IL31RA: variants seen among roughly 807,000 people sequenced by gnomAD.
The protein encoded by IL31RA is interleukin 31 receptor A, also known as interleukin-31 receptor subunit alpha.
In IL31RA, 66 loss-of-function variants were observed where a neutral mutation model predicts 83.7. That is an observed-to-expected ratio of 0.79 (90% CI 0.65 to 0.97). The LOEUF is 0.97. Among genes scored for constraint, IL31RA ranks in the 50% least tolerant of loss-of-function variants. The pLI, the probability that IL31RA is intolerant of heterozygous loss-of-function variation, is 0.00. For missense variants in IL31RA, 798 were observed against 919.4 expected (o/e 0.87, Z 1.71); for synonymous variants, 325 against 329.0 (o/e 0.99, Z 0.13).
At chr5:55,856,614 T>C (rs1378402402) in intron 1 of IL31RA, among the ~76,000 whole-genome samples, 1 of 152,236 alleles carries the variant, frequency 6.6e-6, no homozygotes, top group Non-Finnish European at 1.5e-5. Context: ...GTTCAGGGCC[T>C]TCTTCCGTTA....
chr5:55,858,339 T>C (rs1390374306), intron 1 of IL31RA, among the ~76,000 whole-genome samples: 1 of 152,160 alleles, frequency 6.6e-6, no homozygotes, highest in African/African-American at 2.4e-5. Context: ...TCTTAACAGA[T>C]GGAGAAGATT....
chr5:55,906,220 T>A lies in IL31RA; in HGVS notation c.1184T>A (p.Val395Glu), dbSNP rs1218559137. The change falls in exon 9 of 15, where the codon GTG becomes GAG. Residue 395 changes from valine to glutamate, a missense_variant. Transcript: ENST00000652347. ...TGGATGATTGAATGGTTTCCGGATG[T>A]GGACTCAGAGCCCACCACCCTTTCC... Reference protein sequence around the residue: ...NTWMIEWFPDVDSEPTTLSWE... With the variant: ...NTWMIEWFPDEDSEPTTLSWE... 6.2e-7 allele frequency: 1 copy of A among 1,614,216 alleles called. No individual in the cohort carries two copies. The highest frequency in any genetic ancestry group is 8.5e-7 in the Non-Finnish European group (1 of 1,180,042).
intron 2 of IL31RA, among the ~76,000 whole-genome samples, chr5:55,868,292 A>G (rs2112361827): frequency 6.6e-6 from 1 of 152,318 alleles, no homozygotes; most frequent in Non-Finnish European, 1.5e-5. Flanking sequence ...AGCTCTCAGG[A>G]GCAAGATTTC....
intron 9 of IL31RA, among the ~76,000 whole-genome samples, chr5:55,906,973 G>A (rs1279216077): frequency 2.6e-5 from 4 of 152,158 alleles, no homozygotes; most frequent in African/African-American, 7.2e-5. Context: ...AGGCAGGGAT[G>A]CAGGCAAGTA....
intron 6 of IL31RA, among the ~76,000 whole-genome samples, chr5:55,891,761 A>ATT (rs35672011): frequency 0.058 from 3,478 of 59,744 alleles, 977 homozygotes; most frequent in East Asian, 0.12. Context: ...TTTGGACAAG[A>ATT]TTTTTTTTTT....
upstream of IL31RA, among the ~76,000 whole-genome samples, chr5:55,848,438 C>A (rs979664309): frequency 5.9e-5 from 9 of 152,142 alleles, no homozygotes; most frequent in African/African-American, 1.7e-4. Context: ...TCCTGTGTCC[C>A]TTTGACATGC....
In IL31RA at chr5:55,917,144, C is replaced by CG; in HGVS notation, c.*28dup. On this transcript the variant is annotated 3_prime_UTR_variant, in exon 15 of 15. Coordinates refer to ENST00000652347, the MANE Select transcript of IL31RA (RefSeq NM_139017.7). ...AAATGCGACCATAGCATGAGACCCTCGGGGCCTCAGTGTGGATGGCCCTTG... is the reference window on the plus strand; with the variant it reads ...AAATGCGACCATAGCATGAGACCCTCGGGGGCCTCAGTGTGGATGGCCCTTG... 1 of 1,613,768 alleles carries CG rather than the reference C, an allele frequency of 6.2e-7. No individual in the cohort carries two copies. Among genetic ancestry groups the CG allele is most frequent in the Non-Finnish European group, 8.5e-7 (1 of 1,180,018 alleles).
At position 55,908,454 on chromosome 5, in the gene IL31RA, A is replaced by G. The variant is rs1451879555; in HGVS notation, c.1501+43A>G. 6 of 1,614,112 alleles carry G rather than the reference A, an allele frequency of 3.7e-6. No homozygotes were observed. In the Admixed American group the frequency reaches 6.7e-5, roughly 18 times the overall value. ...GAAGTGGAAAAAAACCCCAAGCCCC[A>G]GATAGATGCTATGGATAGACCTGTT... On this transcript the variant is annotated intron_variant, in intron 11 of 14. Transcript: ENST00000652347.
intron 6 of IL31RA, among the ~76,000 whole-genome samples, chr5:55,892,053 G>T (rs1047153370): frequency 6.6e-6 from 1 of 152,058 alleles, no homozygotes; most frequent in Non-Finnish European, 1.5e-5. Flanking sequence ...GGGATTACAG[G>T]CATGAGCCAC....
At chr5:55,905,168 TC>T (rs1159330127) in intron 8 of IL31RA, among the ~76,000 whole-genome samples, 1 of 144,036 alleles carries the variant, frequency 6.9e-6, no homozygotes, top group Non-Finnish European at 1.5e-5. Flanking sequence ...GCCACTGCAC[TC>T]CAGCCTGGGT....
chr5:55,882,875 TGTTGGG>T, intron 4 of IL31RA, among the ~76,000 whole-genome samples, 163 bp from the exon 5 acceptor site: 2 of 151,936 alleles, frequency 1.3e-5, no homozygotes, highest in Middle Eastern at 3.4e-3. Context: ...TTTTCAGAGG[TGTTGGG>T]GTTGGGGGGG....
upstream of IL31RA, among the ~76,000 whole-genome samples, chr5:55,850,345 G>A (rs1309372215): frequency 6.6e-6 from 1 of 151,970 alleles, no homozygotes; most frequent in Non-Finnish European, 1.5e-5. Flanking sequence ...TGTACTGCTG[G>A]TAGTCAGATG....
intron 2 of IL31RA, among the ~76,000 whole-genome samples, chr5:55,867,127 G>GTGCA (rs1746124289): frequency 1.8e-5 from 2 of 110,588 alleles, no homozygotes; most frequent in African/African-American, 5.7e-5. Context: ...GTGTGTTTGT[G>GTGCA]TGTGTGTGCA....
chr5:55,906,790 G>A (rs1749185952), intron 9 of IL31RA, among the ~76,000 whole-genome samples: 2 of 152,130 alleles, frequency 1.3e-5, no homozygotes, highest in Admixed American at 1.3e-4. Context: ...ACAGGGTCTT[G>A]CTTGATTGCC....
chr5:55,868,970 A>G, intron 3 of IL31RA, 62 bp downstream of exon 3: 1 of 919,684 alleles, frequency 1.1e-6, no homozygotes. Context: ...CTTCTGATTC[A>G]TTCATGATTC....
intron 8 of IL31RA, 59 bp downstream of exon 8, chr5:55,900,191 A>G (rs928564314): frequency 7.3e-6 from 9 of 1,236,340 alleles, no homozygotes; most frequent in South Asian, 1.2e-5. Flanking sequence ...GCCAAGGAGC[A>G]GTCCCTGTGC....
intron 2 of IL31RA, among the ~76,000 whole-genome samples, chr5:55,863,569 C>G (rs1446734424): frequency 6.6e-6 from 1 of 152,196 alleles, no homozygotes. Flanking sequence ...AATCCCATGG[C>G]CACCCTATTG....
rs1311948814 is a variant in IL31RA, at chr5:55,872,323, A to G, written c.326A>G (p.Asn109Ser). ...ACAACCAATAGTTCTACAAGTGAAA[A>G]TCGTGCTTCGTGCTCTTTTTTCCTT... ...NCTTNSSTSE[N>S]RASCSFFLPR... Residue 109 changes from asparagine (N) to serine (S), a missense_variant, in exon 4 of 15, where the codon AAT becomes AGT. Coordinates refer to ENST00000652347, the MANE Select transcript of IL31RA (RefSeq NM_139017.7). 6.2e-7 allele frequency: 1 copy of G among 1,613,644 alleles called. No individual in the cohort carries two copies. The highest frequency in any genetic ancestry group is 1.7e-5 in the Admixed American group (1 of 60,008).
chr5:55,859,006 G>A (rs1745509646), intron 1 of IL31RA, among the ~76,000 whole-genome samples: 1 of 152,206 alleles, frequency 6.6e-6, no homozygotes, highest in Non-Finnish European at 1.5e-5. Context: ...TCTCCATGCG[G>A]GAATTCAGAG....
Sources: gnomAD v4.1 joint callset for allele counts (sites outside exome capture counted in the v4.1 genomes callset) on GRCh38, gnomAD v4.1.1 for gene constraint, MANE v1.5 for transcripts, NCBI Gene and HGNC (gene_info 2026-07-23, HGNC 2026-07-21) for gene names.